The following TLE4 variants were observed in gnomAD, a reference collection of about 807,000 sequenced individuals.
The protein encoded by TLE4 is transducin-like enhancer protein 4.
In TLE4, 8 loss-of-function variants were observed where a neutral mutation model predicts 92.8. That is an observed-to-expected ratio of 0.09 (90% CI 0.05 to 0.16). The LOEUF is 0.16. TLE4 is among the 10% of genes least tolerant of loss of function. The probability of loss-of-function intolerance (pLI) is 1.00; values close to 1 mark genes in which losing one functional copy is unlikely to be tolerated. For missense variants in TLE4, 675 were observed against 997.6 expected (o/e 0.68, Z 4.36); for synonymous variants, 371 against 374.1 (o/e 0.99, Z 0.10).
intron 14 of TLE4, among the ~76,000 whole-genome samples, chr9:79,717,572 G>A (rs1255333596): frequency 6.6e-6 from 1 of 152,156 alleles, no homozygotes; most frequent in African/African-American, 2.4e-5. Context: ...GAGCATTCAG[G>A]TAGTTGAGGA....
At chr9:79,635,927 A>G (rs1263915166) in intron 6 of TLE4, among the ~76,000 whole-genome samples, 2 of 152,252 alleles carry the variant, frequency 1.3e-5, no homozygotes, top group African/African-American at 4.8e-5. Context: ...CAGTATAAAC[A>G]CTTTCTCTCA....
rs751122653 is a variant in TLE4 at position 79,693,636 on chromosome 9, A to G, written c.610-11147A>G. 9 of 517,944 alleles carry G rather than the reference A, an allele frequency of 1.7e-5. No individual in the cohort carries two copies. The Admixed American group carries it at 1.8e-4, about 10-fold the overall frequency. 32.1% of individuals were successfully genotyped at this position (517,944 alleles called of 1,614,324 possible). On this transcript the variant is annotated intron_variant, in intron 8 of 19. Transcript: ENST00000376552. ...CACACGTGTGCATGCATGGAAAGAG[A>G]GAGACAAACTCAACCACAAAAGTTG...
rs753454346 is a variant in TLE4, at chr9:79,708,152, A to G, written c.971A>G (p.Asn324Ser). 15 of 1,614,114 alleles carry G rather than the reference A, an allele frequency of 9.3e-6. No homozygotes were observed. Among genetic ancestry groups the G allele is most frequent in the Admixed American group, 1.7e-5 (1 of 60,016 alleles). Residue 324 changes from asparagine to serine, a missense_variant, in exon 12 of 20, where the codon AAT (asparagine) becomes AGT (serine). Transcript: ENST00000376552. ...EKSTTPVSKS[N>S]TPTPRTDAPT... is the part of the protein sequence containing the mutation. ...TCTACTACTCCCGTCTCAAAGTCCA[A>G]TACCCCTACTCCACGAACTGATGCG... is the stretch of plus-strand genomic sequence containing the variant.
At chr9:79,707,638 A>G (rs2072042173) in intron 11 of TLE4, among the ~76,000 whole-genome samples, 1 of 152,138 alleles carries the variant, frequency 6.6e-6, no homozygotes, top group East Asian at 1.9e-4. Flanking sequence ...GTTTTTTTAA[A>G]TTTTATTTTC....
intron 1 of TLE4, chr9:79,573,253 G>T: frequency 9.8e-7 from 1 of 1,017,868 alleles, no homozygotes; most frequent in South Asian, 4.2e-5. Flanking sequence ...GCGGGCCGCC[G>T]GGGCGAGCGG....
intron 6 of TLE4, among the ~76,000 whole-genome samples, chr9:79,628,513 C>T (rs758604374): frequency 7.3e-5 from 11 of 151,386 alleles, no homozygotes; most frequent in Admixed American, 2.0e-4. Context: ...ATGTTGAGGG[C>T]GCCATAGTCT....
chr9:79,577,338 T>C (rs2038151451), intron 4 of TLE4, among the ~76,000 whole-genome samples: 1 of 152,178 alleles, frequency 6.6e-6, no homozygotes, highest in African/African-American at 2.4e-5. Context: ...ATGAATAGTA[T>C]TGGAAAACAA....
intron 4 of TLE4, among the ~76,000 whole-genome samples, chr9:79,610,224 A>G (rs551994877): frequency 6.6e-6 from 1 of 152,200 alleles, no homozygotes; most frequent in East Asian, 1.9e-4. Context: ...TTACATTACA[A>G]TGACAAATAT....
intron 16 of TLE4, among the ~76,000 whole-genome samples, chr9:79,720,680 T>C (rs1476007299): frequency 6.6e-6 from 1 of 152,114 alleles, no homozygotes; most frequent in Non-Finnish European, 1.5e-5. Context: ...TTGCCATCTG[T>C]GCTTGCTAAC....
chr9:79,662,553 A>G (rs2060689477), intron 8 of TLE4, among the ~76,000 whole-genome samples: 1 of 152,164 alleles, frequency 6.6e-6, no homozygotes, highest in South Asian at 2.1e-4. Context: ...TGAGCCAACT[A>G]AAGGAGGAAA....
rs371396118 is a variant in TLE4, at chr9:79,707,180, T to C, written c.936+281T>C. On this transcript the variant is annotated intron_variant, in intron 11 of 19. Coordinates refer to ENST00000376552, the MANE Select transcript of TLE4 (RefSeq NM_007005.6). ...TCTTAGCGAAGATGAACAATGCACA[T>C]TGGGGTTACAGAGATGGTTTTGTCG... is the stretch of plus-strand genomic sequence containing the variant. The C allele has an allele frequency of 3.3e-5, 53 of 1,612,794 alleles. No individual in the cohort carries two copies. The African/African-American group carries it at 4.1e-4, about 13-fold the overall frequency.
intron 4 of TLE4, among the ~76,000 whole-genome samples, chr9:79,596,570 T>C (rs1333199796): frequency 1.3e-5 from 2 of 152,196 alleles, no homozygotes; most frequent in Non-Finnish European, 2.9e-5. Context: ...AGCCACCTCA[T>C]GGTCCTTGCA....
intron 14 of TLE4, among the ~76,000 whole-genome samples, chr9:79,712,979 G>A (rs1348790779): frequency 6.6e-6 from 1 of 152,248 alleles, no homozygotes; most frequent in African/African-American, 2.4e-5. Context: ...ATTTTCAAAT[G>A]AGAATAATGC....
chr9:79,635,213 T>A (rs1441889607), intron 6 of TLE4, among the ~76,000 whole-genome samples: 1 of 152,206 alleles, frequency 6.6e-6, no homozygotes, highest in African/African-American at 2.4e-5. Context: ...TTATGCATTT[T>A]CATAACAATT....
rs75031255 is a variant in TLE4, at chr9:79,636,496, C to A, written c.390+9048C>A. Among the ~76,000 whole-genome samples the A allele has an allele frequency of 1.0e-3, 157 of 152,218 alleles. 5 individuals are homozygous for A. The East Asian group carries it at 0.03, about 29-fold the overall frequency. On this transcript the variant is annotated intron_variant, in intron 6 of 19. Coordinates refer to ENST00000376552, the MANE Select transcript of TLE4 (RefSeq NM_007005.6). ...CCACTTTGGCCCCTTTCTTCTGTCC[C>A]TGGGTCACTCCAAGTGTGTTCTCGA...
At chr9:79,706,685 C>T (rs1007623492) in intron 10 of TLE4, 62 bp from the exon 11 acceptor site, 2 of 1,557,002 alleles carry the variant, frequency 1.3e-6, no homozygotes, top group African/African-American at 2.7e-5. Context: ...TGTCCACACC[C>T]AACAACCCCA....
At chr9:79,616,532 G>T (rs1339978964) in intron 5 of TLE4, among the ~76,000 whole-genome samples, 1 of 152,054 alleles carries the variant, frequency 6.6e-6, no homozygotes, top group East Asian at 1.9e-4. Flanking sequence ...GGAAGAATGT[G>T]AATTGATTAT....
intron 8 of TLE4, among the ~76,000 whole-genome samples, chr9:79,697,936 C>T (rs2068712289): frequency 6.6e-6 from 1 of 152,150 alleles, no homozygotes; most frequent in South Asian, 2.1e-4. Context: ...TTATTCAAGA[C>T]ATTTCATGTG....
chr9:79,598,075 G>GAAAAAAAAAAAAAAAA, intron 4 of TLE4, among the ~76,000 whole-genome samples: 1 of 65,736 alleles, frequency 1.5e-5, no homozygotes, highest in Non-Finnish European at 3.0e-5. Context: ...TACTGAAAAA[G>GAAAAAAAAAAAAAAAA]AAAAAAAAAA....
Sources: gnomAD v4.1 joint callset for allele counts (sites outside exome capture counted in the v4.1 genomes callset) on GRCh38, gnomAD v4.1.1 for gene constraint, MANE v1.5 for transcripts, NCBI Gene and HGNC (gene_info 2026-07-23, HGNC 2026-07-21) for gene names.